RBFOX1: variants seen among roughly 807,000 people sequenced by gnomAD.
RBFOX1 encodes the protein RNA binding protein fox-1 homolog 1.
Under a neutral mutation model 57.7 loss-of-function variants are expected in RBFOX1, and 8 were observed. That is an observed-to-expected ratio of 0.14 (90% CI 0.08 to 0.25). The LOEUF (loss-of-function observed/expected upper bound fraction) is 0.25, where lower values mean the gene tolerates loss of function less well. Ranked by LOEUF, RBFOX1 falls within the 10% of genes least tolerant of loss-of-function variation. RBFOX1 has a pLI of 1.00. For synonymous variants in RBFOX1, 326 were observed against 222.4 expected (o/e 1.47, Z -4.15); for missense variants, 611 against 548.5 (o/e 1.11, Z -1.14).
intron 4 of RBFOX1, among the ~76,000 whole-genome samples, chr16:7,339,739 C>T (rs934509597): frequency 2.4e-4 from 37 of 152,158 alleles, no homozygotes; most frequent in Non-Finnish European, 4.7e-4. Flanking sequence ...TGTGCCTGGC[C>T]AGAAAGATAT....
intron 5 of RBFOX1, among the ~76,000 whole-genome samples, chr16:7,563,908 C>G (rs1044767589): frequency 4.4e-4 from 67 of 152,184 alleles, no homozygotes; most frequent in African/African-American, 1.6e-3. Flanking sequence ...GCCCACTGTA[C>G]CACCGGGGCC....
At chr16:5,696,751 C>G (rs1420471705) in intron 3 of RBFOX1, among the ~76,000 whole-genome samples, 1 of 152,152 alleles carries the variant, frequency 6.6e-6, no homozygotes, top group Admixed American at 6.5e-5. Context: ...TCTATGAATA[C>G]AGTATGTCTT....
intron 1 of RBFOX1, among the ~76,000 whole-genome samples, chr16:5,455,435 G>T (rs1222585735): frequency 6.6e-6 from 1 of 152,084 alleles, no homozygotes; most frequent in African/African-American, 2.4e-5. Flanking sequence ...TTCAAAGGAA[G>T]GTATATCACT....
chr16:7,660,046 G>T (rs1258108114), intron 12 of RBFOX1, among the ~76,000 whole-genome samples: 1 of 152,170 alleles, frequency 6.6e-6, no homozygotes, highest in Non-Finnish European at 1.5e-5. Flanking sequence ...AGGGGCCTCA[G>T]GGTAGAACAA....
intron 3 of RBFOX1, among the ~76,000 whole-genome samples, chr16:6,746,726 T>G (rs1489452839): frequency 6.6e-6 from 1 of 152,104 alleles, no homozygotes; most frequent in Admixed American, 6.5e-5. Flanking sequence ...TATTATTAAT[T>G]AATTGAAAGT....
chr16:7,039,836 G>C (rs2045615183), intron 3 of RBFOX1, among the ~76,000 whole-genome samples: 1 of 152,104 alleles, frequency 6.6e-6, no homozygotes, highest in Non-Finnish European at 1.5e-5. Context: ...CCTAGAAGCA[G>C]ACGAGGCAAA....
chr16:7,340,638 C>A (rs116459284), intron 4 of RBFOX1, among the ~76,000 whole-genome samples: 1 of 152,288 alleles, frequency 6.6e-6, no homozygotes, highest in African/African-American at 2.4e-5. Flanking sequence ...TGCAGCCACA[C>A]CACTTCTCTT....
chr16:6,617,825 G>C (rs772129994), intron 2 of RBFOX1, among the ~76,000 whole-genome samples: 1 of 152,156 alleles, frequency 6.6e-6, no homozygotes, highest in Non-Finnish European at 1.5e-5. Context: ...GAAGATTAGA[G>C]AATTCCTCCT....
At chr16:6,653,853 TG>T (rs2098622680) in intron 2 of RBFOX1, among the ~76,000 whole-genome samples, 2 of 150,200 alleles carry the variant, frequency 1.3e-5, no homozygotes, top group African/African-American at 4.9e-5. Context: ...ATTGGATAGA[TG>T]GGGATGGCTG....
intron 3 of RBFOX1, among the ~76,000 whole-genome samples, chr16:5,732,604 C>T (rs912796343): frequency 7.9e-5 from 12 of 152,170 alleles, no homozygotes; most frequent in East Asian, 1.9e-4. Context: ...TCTGGGTCTC[C>T]GTTTCTGCAC....
At chr16:7,323,386 T>A (rs1025449704) in intron 4 of RBFOX1, among the ~76,000 whole-genome samples, 1 of 152,208 alleles carries the variant, frequency 6.6e-6, no homozygotes, top group African/African-American at 2.4e-5. Context: ...ATCATGCCAC[T>A]GCCTTCCAGC....
intron 3 of RBFOX1, among the ~76,000 whole-genome samples, chr16:6,732,216 C>T (rs1422848919): frequency 4.6e-5 from 7 of 152,216 alleles, no homozygotes; most frequent in African/African-American, 9.6e-5. Context: ...TGCTGCTTCT[C>T]TGCAGCCTCA....
At chr16:6,900,373 T>C (rs182864398) in intron 3 of RBFOX1, among the ~76,000 whole-genome samples, 6 of 152,338 alleles carry the variant, frequency 3.9e-5, no homozygotes, top group African/African-American at 1.4e-4. Flanking sequence ...CTGTAACCTC[T>C]ATCCATGCTC....
intron 4 of RBFOX1, among the ~76,000 whole-genome samples, chr16:7,490,460 A>G (rs1019740243): frequency 6.6e-6 from 1 of 152,220 alleles, no homozygotes; most frequent in Non-Finnish European, 1.5e-5. Flanking sequence ...AAAATTTTCC[A>G]GCCAGCCAGG....
At chr16:6,173,903 T>G (rs72774561) in intron 1 of RBFOX1, among the ~76,000 whole-genome samples, 6,143 of 152,120 alleles carry the variant, frequency 0.04, 183 homozygotes, top group Admixed American at 0.078. Context: ...TTGTTTGTTT[T>G]TTTTACTAAT....
intron 3 of RBFOX1, among the ~76,000 whole-genome samples, chr16:6,689,499 A>G (rs1050203610): frequency 3.3e-5 from 5 of 152,308 alleles, no homozygotes; most frequent in African/African-American, 4.8e-5. Context: ...AGTGTATTTA[A>G]TGCACAAATT....
intron 1 of RBFOX1, chr16:6,038,973 C>T (rs2095405926): frequency 1.4e-5 from 2 of 138,954 alleles, no homozygotes; most frequent in Admixed American, 1.5e-4. Context: ...TACATACCAG[C>T]CAATGTCCTC....
intron 3 of RBFOX1, chr16:6,723,714 T>A (rs1250477630): frequency 6.6e-6 from 1 of 151,790 alleles, no homozygotes; most frequent in Non-Finnish European, 1.5e-5. Flanking sequence ...TACAGAAAGC[T>A]GCATCTGTCT....
At chr16:6,450,554 G>C (rs1319662140) in intron 2 of RBFOX1, among the ~76,000 whole-genome samples, 1 of 150,524 alleles carries the variant, frequency 6.6e-6, no homozygotes, top group East Asian at 2.0e-4. Context: ...GTGCTTTGAG[G>C]TTTGTGTGTG....
Sources: allele counts gnomAD v4.1 joint callset (sites outside exome capture counted in the v4.1 genomes callset), GRCh38; gene constraint gnomAD v4.1.1; transcripts MANE v1.5; gene names NCBI Gene and HGNC (gene_info 2026-07-23, HGNC 2026-07-21).